Variants in VEGFC observed in about 807,000 individuals in gnomAD.
VEGFC encodes the protein vascular endothelial growth factor C, also known as FLT4 ligand DHM.
VEGFC carries 12 observed loss-of-function variants against 46.1 expected under a neutral mutation model. That is an observed-to-expected ratio of 0.26 (90% CI 0.17 to 0.42). The LOEUF (loss-of-function observed/expected upper bound fraction) is 0.42. VEGFC is among the 10% of genes least tolerant of loss of function. VEGFC has a pLI of 1.00. For synonymous variants in VEGFC, 232 were observed against 195.5 expected (o/e 1.19, Z -1.56); for missense variants, 488 against 529.4 (o/e 0.92, Z 0.77).
chr4:176,772,810 G>A (rs1735744031), intron 1 of VEGFC, among the ~76,000 whole-genome samples: 1 of 152,154 alleles, frequency 6.6e-6, no homozygotes, highest in Non-Finnish European at 1.5e-5. Context: ...AGAAGACACA[G>A]TAAGAAGGCC....
intron 1 of VEGFC, among the ~76,000 whole-genome samples, chr4:176,749,150 C>A (rs1329870151): frequency 2.0e-5 from 3 of 151,894 alleles, no homozygotes; most frequent in Non-Finnish European, 4.4e-5. Context: ...ATAGGGAAGA[C>A]TCAAAGATGT....
In VEGFC at chr4:176,792,820, C is replaced by CGGCTGGCGGCGGCGG. The variant is rs1305123837; in HGVS notation, c.-524_-510dup. On this transcript the variant is annotated 5_prime_UTR_variant, in exon 1 of 7. Coordinates refer to ENST00000618562, the MANE Select transcript of VEGFC (RefSeq NM_005429.5). The surrounding 1 kb of genome is among the most constrained non-coding windows in gnomAD (Gnocchi z 6.3). ...CGGGGGCGGGAGGAGGGCGGCGGGG[C>CGGCTGGCGGCGGCGG]GGCTGGCGGCGGCGGGGCCCGGGAG... 3 of 146,406 alleles carry CGGCTGGCGGCGGCGG rather than the reference C, an allele frequency of 2.0e-5. No homozygotes were observed. Among genetic ancestry groups the CGGCTGGCGGCGGCGG allele is most frequent in the Non-Finnish European group, 4.6e-5 (3 of 65,614 alleles). The allele number at this position is 146,406 out of a possible 1,614,324, so 9.1% of individuals were successfully genotyped here.
At chr4:176,696,978 T>C (rs1188824672) in intron 4 of VEGFC, among the ~76,000 whole-genome samples, 1 of 149,882 alleles carries the variant, frequency 6.7e-6, no homozygotes, top group Non-Finnish European at 1.5e-5. Flanking sequence ...TATACAAAAA[T>C]CAGTTCAAGA....
intron 1 of VEGFC, among the ~76,000 whole-genome samples, chr4:176,780,381 C>CAAAAAAAAAAAAAAAAAAA (rs1252541684): frequency 1.6e-4 from 2 of 12,252 alleles, no homozygotes; most frequent in Non-Finnish European, 3.3e-4. Context: ...GACTCCATCT[C>CAAAAAAAAAAAAAAAAAAA]AAAAAAAAAA....
chr4:176,753,175 A>C (rs1735368316), intron 1 of VEGFC, among the ~76,000 whole-genome samples: 1 of 152,062 alleles, frequency 6.6e-6, no homozygotes. Context: ...AAAATCAAAC[A>C]GCAAATTGTT....
At chr4:176,723,750 T>C (rs1178160678) in intron 3 of VEGFC, among the ~76,000 whole-genome samples, 1 of 149,206 alleles carries the variant, frequency 6.7e-6, no homozygotes, top group Non-Finnish European at 1.5e-5. Context: ...GTGACATAGG[T>C]AAACTTTTAT....
Position 176,708,444 on chromosome 4 carries a change from T to C in VEGFC, c.704+3055A>G, listed in dbSNP as rs141947850. Among the ~76,000 whole-genome samples, 511 of 152,184 alleles carry C rather than the reference T, an allele frequency of 3.4e-3. 3 individuals carry two copies. Among genetic ancestry groups the C allele is most frequent in the Admixed American group, 8.1e-3 (123 of 15,270 alleles). ...TTTATGTATAAAGCACAGAGATACATATAGTATAAAGACAGAGTATATTTG... is the reference window on the plus strand; with the variant it reads ...TTTATGTATAAAGCACAGAGATACACATAGTATAAAGACAGAGTATATTTG... On this transcript the variant is annotated intron_variant, in intron 4 of 6. Transcript: ENST00000618562.
At chr4:176,789,196 A>T (rs1264688232) in intron 1 of VEGFC, among the ~76,000 whole-genome samples, 5 of 152,210 alleles carry the variant, frequency 3.3e-5, no homozygotes, top group African/African-American at 4.8e-5. Context: ...CTTCCTCTCA[A>T]GAGGAACCGG....
At chr4:176,788,880 G>C (rs1736045276) in intron 1 of VEGFC, among the ~76,000 whole-genome samples, 1 of 152,228 alleles carries the variant, frequency 6.6e-6, no homozygotes, top group South Asian at 2.1e-4. Flanking sequence ...TCAGATCTTG[G>C]GTTCATCATC....
At chr4:176,719,460 C>T (rs1400932228) in intron 3 of VEGFC, among the ~76,000 whole-genome samples, 2 of 152,136 alleles carry the variant, frequency 1.3e-5, no homozygotes, top group African/African-American at 4.8e-5. Context: ...GTTTTCAGAA[C>T]TTGGAATATT....
At chr4:176,687,792 T>C in intron 5 of VEGFC, 29 bp downstream of exon 5, 1 of 1,486,054 alleles carries the variant, frequency 6.7e-7, no homozygotes, top group Non-Finnish European at 9.3e-7. Flanking sequence ...ACCCCTGGCG[T>C]TTAGTCTTTA....
intron 3 of VEGFC, among the ~76,000 whole-genome samples, chr4:176,715,630 C>T (rs1463124443): frequency 1.3e-5 from 2 of 152,070 alleles, no homozygotes; most frequent in Non-Finnish European, 2.9e-5. Flanking sequence ...ACTGCCTTTT[C>T]AATAAATATA....
chr4:176,787,253 T>C (rs1476015301), intron 1 of VEGFC, among the ~76,000 whole-genome samples: 2 of 151,958 alleles, frequency 1.3e-5, no homozygotes, highest in African/African-American at 4.8e-5. Context: ...AGTCAGGAGT[T>C]TGAAACCAGC....
Position 176,706,625 on chromosome 4 carries a change from C to CAAAAAA in VEGFC, c.704+4868_704+4873dup, listed in dbSNP as rs55996370. On this transcript the variant is annotated intron_variant, in intron 4 of 6. Transcript: ENST00000618562. ...TGGGTGATAGAGTGAGAATCTGTCT[C>CAAAAAA]AAAAAAAAAAAAAAAAAAAAAAAAA... 3.9e-4 allele frequency among the ~76,000 whole-genome samples: 25 copies of CAAAAAA among 63,466 alleles called. 3 individuals carry two copies. The highest frequency in any genetic ancestry group is 1.7e-3 in the African/African-American group (21 of 12,278). The allele number at this position is 63,466 out of a possible 152,430, so 41.6% of individuals were successfully genotyped here.
At chr4:176,768,504 A>ATATATATATATATATATATATATATG in intron 1 of VEGFC, among the ~76,000 whole-genome samples, 1 of 144,034 alleles carries the variant, frequency 6.9e-6, no homozygotes, top group Non-Finnish European at 1.5e-5. Flanking sequence ...ATATATATAT[A>ATATATATATATATATATATATATATG]TATATATATT....
intron 1 of VEGFC, among the ~76,000 whole-genome samples, chr4:176,760,079 G>C (rs1423066011): frequency 6.6e-6 from 1 of 152,036 alleles, no homozygotes; most frequent in Non-Finnish European, 1.5e-5. Context: ...ATATTCTTGA[G>C]GGATAGATCA....
Position 176,792,218 on chromosome 4 carries a change from A to AGGC in VEGFC, c.91_93dup (p.Ala31dup), listed in dbSNP as rs754628535. The AGGC allele has an allele frequency of 1.6e-4, 244 of 1,561,720 alleles. No homozygotes were observed. The highest frequency in any genetic ancestry group is 1.8e-4 in the Non-Finnish European group (203 of 1,156,436). Reference sequence around the variant, plus strand: ...TCCGAGAGGTCGAGTCCGGACTCGAAGGCGGCGGCGGCGGCGGGCGCCTCG... The same window carrying AGGC: ...TCCGAGAGGTCGAGTCCGGACTCGAAGGCGGCGGCGGCGGCGGCGGGCGCCTCG... On this transcript the variant is annotated inframe_insertion, in exon 1 of 7. Transcript: ENST00000618562. This position sits in a 1 kb window ranked among gnomAD's most constrained non-coding sequence, Gnocchi z 6.3.
intron 1 of VEGFC, among the ~76,000 whole-genome samples, chr4:176,756,668 C>A (rs968025856): frequency 1.1e-4 from 17 of 151,852 alleles, no homozygotes; most frequent in African/African-American, 2.9e-4. Context: ...GGATTTTAGT[C>A]CAGATATGAT....
intron 1 of VEGFC, among the ~76,000 whole-genome samples, chr4:176,745,196 C>T (rs1272244903): frequency 6.6e-6 from 1 of 152,060 alleles, no homozygotes; most frequent in African/African-American, 2.4e-5. Context: ...ATAAGTCATC[C>T]AGTTGATAAT....
Sources: allele counts gnomAD v4.1 joint callset (sites outside exome capture counted in the v4.1 genomes callset), GRCh38; gene constraint gnomAD v4.1.1; non-coding constraint Gnocchi (gnomAD v3.1); transcripts MANE v1.5; gene names NCBI Gene and HGNC (gene_info 2026-07-23, HGNC 2026-07-21).